HEATR5B: variants seen among roughly 807,000 people sequenced by gnomAD.
HEATR5B encodes HEAT repeat-containing protein 5B.
Under a neutral mutation model 224.1 loss-of-function variants are expected in HEATR5B, and 156 were observed. That is an observed-to-expected ratio of 0.70 (90% CI 0.61 to 0.80). HEATR5B has a LOEUF of 0.80. Among genes scored for constraint, HEATR5B ranks in the 30% least tolerant of loss-of-function variants. HEATR5B has a pLI of 0.00. For synonymous variants in HEATR5B, 1,027 were observed against 893.0 expected, an observed-to-expected ratio of 1.15 and a Z score of -2.68; for missense variants, 2,323 against 2,535.5, an observed-to-expected ratio of 0.92 and a Z score of 1.80.
chr2:37,044,772 T>C (rs1342328523), intron 18 of HEATR5B, among the ~76,000 whole-genome samples: 1 of 152,236 alleles, frequency 6.6e-6, no homozygotes. Context: ...ATTTCAATTA[T>C]ATGCATGTTA....
intron 24 of HEATR5B, among the ~76,000 whole-genome samples, 154 bp downstream of exon 24, chr2:37,027,769 G>A (rs918322540): frequency 6.6e-6 from 1 of 152,130 alleles, no homozygotes; most frequent in African/African-American, 2.4e-5. Context: ...ATGCAGAGGG[G>A]ACAGAAAACT....
chr2:37,056,679 G>T, intron 15 of HEATR5B, 64 bp from the exon 16 acceptor site: 1 of 1,354,888 alleles, frequency 7.4e-7, no homozygotes, highest in Non-Finnish European at 1.0e-6. Flanking sequence ...ATTAAACATT[G>T]GGAATGAGGA....
intron 27 of HEATR5B, 116 bp downstream of exon 27, chr2:37,013,725 C>T (rs1310750249): frequency 2.9e-6 from 2 of 698,580 alleles, no homozygotes; most frequent in East Asian, 2.7e-5. Flanking sequence ...AAAAGTATTC[C>T]ATATCAAGGG....
chr2:37,061,729 T>G (rs1205987565), intron 11 of HEATR5B, among the ~76,000 whole-genome samples: 6 of 152,196 alleles, frequency 3.9e-5, no homozygotes, highest in Non-Finnish European at 7.3e-5. Context: ...AAGGTGAAAC[T>G]TTGCTAACAA....
intron 9 of HEATR5B, among the ~76,000 whole-genome samples, chr2:37,065,461 A>G (rs2148572898): frequency 6.6e-6 from 1 of 152,000 alleles, no homozygotes; most frequent in South Asian, 2.1e-4. Context: ...GGCACGTGTC[A>G]CCACAGCTGG....
Position 37,028,851 on chromosome 2 carries a change from A to G in HEATR5B, c.3431T>C (p.Ile1144Thr), listed in dbSNP as rs1558751885. The change falls in exon 23 of 36, where the codon ATA becomes ACA. Residue 1144 changes from isoleucine to threonine, a missense_variant. By Grantham distance (89) the Ile-to-Thr change is moderately conservative. Around this residue, in one of 12 missense-constraint regions of HEATR5B, gnomAD observed 339 missense variants for 378.4 expected, o/e 0.90. Transcript: ENST00000233099. ...AAGTCCCTCAAGACCAGTTTCTGTT[A>G]TATTAACACCTTGGTGCCGGCAATG... ...DIHCRHQGVN[I>T]TETGLEGLLF... is the part of the protein sequence containing the mutation. 1.2e-6 allele frequency: 2 copies of G among 1,614,060 alleles called. No homozygotes were observed. Among genetic ancestry groups the G allele is most frequent in the East Asian group, 2.2e-5 (1 of 44,870 alleles).
chr2:37,051,106 C>T (rs1000313954), intron 17 of HEATR5B, among the ~76,000 whole-genome samples: 8 of 151,066 alleles, frequency 5.3e-5, no homozygotes, highest in African/African-American at 1.9e-4. Flanking sequence ...GCCTGTAATC[C>T]CAGCACTTTG....
At chr2:37,049,892 A>G in intron 17 of HEATR5B, 49 bp from the exon 18 acceptor site, 1 of 1,433,702 alleles carries the variant, frequency 7.0e-7, no homozygotes, top group Non-Finnish European at 9.2e-7. Context: ...ATAATTCATT[A>G]TTATTATTTT....
chr2:37,005,910 T>C (rs561955904), intron 29 of HEATR5B, 151 bp from the exon 30 acceptor site: 1 of 547,296 alleles, frequency 1.8e-6, no homozygotes, highest in African/African-American at 2.0e-5. Context: ...GTTTCCAAGT[T>C]AAACAGCCAA....
intron 24 of HEATR5B, among the ~76,000 whole-genome samples, chr2:37,025,336 C>A (rs1327902062): frequency 6.6e-6 from 1 of 151,824 alleles, no homozygotes; most frequent in Non-Finnish European, 1.5e-5. Context: ...ACGGAGAGTA[C>A]TCTTCTCTTT....
intron 10 of HEATR5B, among the ~76,000 whole-genome samples, chr2:37,063,836 G>A (rs972698970): frequency 1.3e-5 from 2 of 152,150 alleles, no homozygotes; most frequent in African/African-American, 4.8e-5. Flanking sequence ...TTTTGAGACG[G>A]AGTCTTTCTC....
intron 34 of HEATR5B, among the ~76,000 whole-genome samples, chr2:36,990,390 T>C (rs1666247204): frequency 6.6e-6 from 1 of 152,176 alleles, no homozygotes; most frequent in African/African-American, 2.4e-5. Flanking sequence ...GAAAACATAA[T>C]CATAGACTCT....
rs529638281 is a variant in HEATR5B, at chr2:36,999,869, G to A, written c.5545+717C>T. Among the ~76,000 whole-genome samples, 74 of 151,034 alleles carry A rather than the reference G, an allele frequency of 4.9e-4. 1 individual carries two copies. The highest frequency in any genetic ancestry group is 1.5e-3 in the African/African-American group (60 of 41,200). ...TTTATTAAAAACGCAAAAATTAACC[G>A]GGTGTGTTGGCAGGCATCTGTAATC... On this transcript the variant is annotated intron_variant, in intron 33 of 35. Coordinates refer to ENST00000233099, the MANE Select transcript of HEATR5B (RefSeq NM_019024.3).
chr2:36,995,687 G>C (rs1274448556), intron 33 of HEATR5B, among the ~76,000 whole-genome samples: 1 of 152,068 alleles, frequency 6.6e-6, no homozygotes, highest in African/African-American at 2.4e-5. Context: ...CTTCGGGTCT[G>C]GGTTAATTTA....
intron 8 of HEATR5B, among the ~76,000 whole-genome samples, chr2:37,067,270 T>C (rs887162971): frequency 7.2e-5 from 11 of 152,220 alleles, no homozygotes; most frequent in Non-Finnish European, 1.6e-4. Context: ...AGGTGCTGTA[T>C]GCATCTGGCT....
intron 17 of HEATR5B, among the ~76,000 whole-genome samples, chr2:37,051,453 G>A (rs759983227): frequency 4.4e-4 from 66 of 150,944 alleles, no homozygotes; most frequent in Non-Finnish European, 8.5e-4. Flanking sequence ...CTTTGTTCTA[G>A]CTGTACTTAC....
chr2:37,021,380 T>C (rs1032816907), intron 24 of HEATR5B, among the ~76,000 whole-genome samples: 5 of 152,168 alleles, frequency 3.3e-5, no homozygotes, highest in Non-Finnish European at 4.4e-5. Flanking sequence ...CTCTCACAAA[T>C]TGCTCACAAG....
chr2:37,083,477 TA>T, intron 1 of HEATR5B, 41 bp from the exon 2 acceptor site: 2 of 1,441,520 alleles, frequency 1.4e-6, no homozygotes, highest in Non-Finnish European at 1.9e-6. Context: ...AAGTATTTTT[TA>T]ATGTTAAAAG....
chr2:37,037,454 T>C (rs752167177), intron 21 of HEATR5B, among the ~76,000 whole-genome samples: 2 of 152,012 alleles, frequency 1.3e-5, no homozygotes, highest in Non-Finnish European at 2.9e-5. Context: ...AAATGTGATA[T>C]ATTCTTAGCA....
Sources: allele counts gnomAD v4.1 joint callset (sites outside exome capture counted in the v4.1 genomes callset), GRCh38; gene constraint gnomAD v4.1.1; regional missense constraint gnomAD v4.1.1; transcripts MANE v1.5; gene names NCBI Gene and HGNC (gene_info 2026-07-23, HGNC 2026-07-21).